CAST: variants seen among roughly 807,000 people sequenced by gnomAD.
CAST encodes calpastatin.
Under a neutral mutation model 119.6 loss-of-function variants are expected in CAST, and 76 were observed. That is an observed-to-expected ratio of 0.64 (90% CI 0.53 to 0.77). CAST has a LOEUF of 0.77. CAST is among the 30% of genes least tolerant of loss of function. The probability of loss-of-function intolerance (pLI) is 0.00; values close to 1 mark genes in which losing one functional copy is unlikely to be tolerated. For missense variants in CAST, 953 were observed against 946.5 expected (o/e 1.01, Z -0.09); for synonymous variants, 319 against 331.6 (o/e 0.96, Z 0.41).
the CAST span, among the ~76,000 whole-genome samples, chr5:95,990,219 G>A: frequency 2.6e-5 from 4 of 152,012 alleles, no homozygotes; most frequent in South Asian, 8.3e-4. Context: ...CAGCAAAAAT[G>A]ACCAAAATAT....
chr5:96,622,061 C>T (rs1747620535), intron 1 of CAST, among the ~76,000 whole-genome samples: 1 of 147,990 alleles, frequency 6.8e-6, no homozygotes, highest in African/African-American at 2.5e-5. Context: ...CCTCTGCTTC[C>T]CTGGTTCAAG....
chr5:96,377,050 A>G, the CAST span, among the ~76,000 whole-genome samples: 1 of 152,156 alleles, frequency 6.6e-6, no homozygotes, highest in Admixed American at 6.5e-5. Context: ...TAAAAATTTT[A>G]TAGAATAAGG....
At chr5:96,108,992 T>G in the CAST span, among the ~76,000 whole-genome samples, 8 of 152,236 alleles carry the variant, frequency 5.3e-5, no homozygotes, top group Admixed American at 2.6e-4. Flanking sequence ...ATTTTCCAGG[T>G]GCCGTCTGTC....
the CAST span, among the ~76,000 whole-genome samples, chr5:96,507,881 C>G: frequency 6.6e-6 from 1 of 152,038 alleles, no homozygotes; most frequent in East Asian, 1.9e-4. Flanking sequence ...GTAGAAGGTG[C>G]CAATTCATTT....
At chr5:96,363,943 C>T in the CAST span, among the ~76,000 whole-genome samples, 1 of 152,114 alleles carries the variant, frequency 6.6e-6, no homozygotes, top group African/African-American at 2.4e-5. Flanking sequence ...AGTTTTTGCC[C>T]ATTCAGTATG....
chr5:96,757,160 G>A (rs372538388), intron 22 of CAST, among the ~76,000 whole-genome samples: 10 of 152,232 alleles, frequency 6.6e-5, no homozygotes, highest in East Asian at 1.9e-4. Flanking sequence ...TGACTTTCAC[G>A]TTTTCCTGCT....
At chr5:96,331,717 C>T in the CAST span, among the ~76,000 whole-genome samples, 1 of 152,192 alleles carries the variant, frequency 6.6e-6, no homozygotes, top group Non-Finnish European at 1.5e-5. Context: ...GACAACATTA[C>T]ATATTTACTG....
chr5:96,236,875 C>T, the CAST span, among the ~76,000 whole-genome samples: 1 of 152,110 alleles, frequency 6.6e-6, no homozygotes, highest in Non-Finnish European at 1.5e-5. Flanking sequence ...ACATTCCTGT[C>T]CATGTGTAGT....
At chr5:96,075,961 T>C in the CAST span, among the ~76,000 whole-genome samples, 1 of 152,204 alleles carries the variant, frequency 6.6e-6, no homozygotes, top group Non-Finnish European at 1.5e-5. Flanking sequence ...TTCATCTTAT[T>C]TCTCTAATTG....
intron 30 of CAST, among the ~76,000 whole-genome samples, chr5:96,771,017 A>T (rs1772109511): frequency 6.6e-6 from 1 of 152,160 alleles, no homozygotes; most frequent in African/African-American, 2.4e-5. Context: ...ATATGATTTA[A>T]ATGATTATTA....
chr5:96,491,490 CAAAAAAAAAAAAAAAAAA>C, the CAST span, among the ~76,000 whole-genome samples: 10 of 56,792 alleles, frequency 1.8e-4, no homozygotes, highest in South Asian at 1.1e-3. Flanking sequence ...GACTCCATCT[CAAAAAAAAAAAAAAAAAA>C]AAAAAAAAAA....
the CAST span, among the ~76,000 whole-genome samples, chr5:96,242,096 T>G: frequency 3.4e-5 from 5 of 147,176 alleles, no homozygotes; most frequent in African/African-American, 1.3e-4. Flanking sequence ...ATTTTGGCTT[T>G]GGTTGCCATT....
intron 1 of CAST, among the ~76,000 whole-genome samples, chr5:96,573,093 G>C (rs1746600281): frequency 6.6e-6 from 1 of 152,198 alleles, no homozygotes; most frequent in Admixed American, 6.5e-5. Context: ...GTAAGTAACT[G>C]TGTGGTTGCT....
intron 15 of CAST, chr5:96,742,453 G>A (rs576488619): frequency 3.6e-6 from 2 of 559,440 alleles, no homozygotes; most frequent in South Asian, 4.3e-5. Context: ...GTAGAAACGT[G>A]TCTTAGCCCC....
At chr5:96,239,041 G>A in the CAST span, among the ~76,000 whole-genome samples, 1 of 152,044 alleles carries the variant, frequency 6.6e-6, no homozygotes, top group African/African-American at 2.4e-5. Context: ...ACCAACTTTG[G>A]TGAGAGTGTT....
At chr5:96,119,602 A>G in the CAST span, among the ~76,000 whole-genome samples, 5 of 152,180 alleles carry the variant, frequency 3.3e-5, no homozygotes, top group African/African-American at 1.2e-4. Flanking sequence ...TTTCACATAT[A>G]TATTTTCTGT....
In CAST at chr5:96,762,377, GC is replaced by G; in HGVS notation, c.1932+6del. On this transcript the variant is annotated splice_donor_region_variant and intron_variant, in intron 25 of 31. Coordinates refer to ENST00000675179, the MANE Select transcript of CAST (RefSeq NM_001750.7). ...GCCCCACCCCGTGATACCTCGGTAA[GC>G]AGCACATCTTATTTGGGAGATAAAT... 6.3e-7 allele frequency: 1 copy of G among 1,575,086 alleles called. No individual in the cohort carries two copies. Among genetic ancestry groups the G allele is most frequent in the Non-Finnish European group, 8.6e-7 (1 of 1,164,312 alleles).
the CAST span, among the ~76,000 whole-genome samples, chr5:96,139,817 C>G: frequency 6.6e-6 from 1 of 151,830 alleles, no homozygotes; most frequent in Non-Finnish European, 1.5e-5. Flanking sequence ...CTAATTTTGA[C>G]CTGAACAATA....
intron 1 of CAST, among the ~76,000 whole-genome samples, chr5:96,645,647 A>C (rs1355219043): frequency 1.3e-5 from 2 of 152,002 alleles, no homozygotes; most frequent in Non-Finnish European, 2.9e-5. Context: ...GTTGCTTTCC[A>C]AGAGGTGTAA....
Sources: allele counts gnomAD v4.1 joint callset (sites outside exome capture counted in the v4.1 genomes callset), GRCh38; gene constraint gnomAD v4.1.1; transcripts MANE v1.5; gene names NCBI Gene and HGNC (gene_info 2026-07-23, HGNC 2026-07-21).